Variants in UTRN observed in about 807,000 individuals in gnomAD.
UTRN encodes the protein dystrophin-related protein 1.
A neutral mutation model predicts 463.9 loss-of-function variants in UTRN; 283 were observed. That is an observed-to-expected ratio of 0.61 (90% CI 0.55 to 0.67). The LOEUF (loss-of-function observed/expected upper bound fraction) is 0.67. Ranked by LOEUF, UTRN falls within the 30% of genes least tolerant of loss-of-function variation. UTRN has a pLI of 0.00. For synonymous variants in UTRN, 1,442 were observed against 1,431.5 expected (o/e 1.01, Z -0.17); for missense variants, 3,922 against 4,084.3 (o/e 0.96, Z 1.08).
Position 144,488,775 on chromosome 6 carries a change from C to G in UTRN, c.4075C>G (p.Gln1359Glu). The G allele has an allele frequency of 6.2e-7, 1 of 1,612,656 alleles. No individual in the cohort carries two copies. The highest frequency in any genetic ancestry group is 8.5e-7 in the Non-Finnish European group (1 of 1,179,120). The change falls in exon 30 of 75, where the codon CAG becomes GAG. Residue 1359 changes from glutamine (Q) to glutamate (E), a missense_variant. This residue lies in a region of UTRN where 2,349 missense variants were observed against 2,303.8 expected (regional missense o/e 1.02). Coordinates refer to ENST00000367545, the MANE Select transcript of UTRN (RefSeq NM_007124.3). ...AGAGAGCTTGGGGGAGCTGGACAAA[C>G]AGCTCACCACATACCTGACTGACAG... is the stretch of plus-strand genomic sequence containing the variant. Reference protein sequence around the residue: ...LQESLGELDKQLTTYLTDRID... With the variant: ...LQESLGELDKELTTYLTDRID...
At position 144,789,258 on chromosome 6, in the gene UTRN, C is replaced by G; in HGVS notation, c.8899C>G (p.Leu2967Val). 2.5e-6 allele frequency: 4 copies of G among 1,612,948 alleles called. No individual in the cohort carries two copies. The highest frequency in any genetic ancestry group is 3.4e-6 in the Non-Finnish European group (4 of 1,179,506). The change falls in exon 62 of 75, where the codon CTC becomes GTC. Residue 2967 changes from leucine (L) to valine (V), a missense_variant. This residue lies in a region of UTRN where 1,309 missense variants were observed against 1,452.6 expected (regional missense o/e 0.90). Coordinates refer to ENST00000367545, the MANE Select transcript of UTRN (RefSeq NM_007124.3). ...KIGLMSLSKG[L>V]LEEKYRYLFK... ...TGGATTAATGTCTCTCTCCAAAGGT[C>G]TCTTGGAAGAAAAATACAGATGTAT...
rs537470531 is a variant in UTRN at position 144,758,706 on chromosome 6, A to G, written c.8495+717A>G. Among the ~76,000 whole-genome samples the G allele has an allele frequency of 2.6e-5, 4 of 152,246 alleles. No individual in the cohort carries two copies. The East Asian group carries it at 7.7e-4, about 29-fold the overall frequency. ...TATATTGTCATGGAACAGAATGATA[A>G]AATTCTACTTCTATAGTCCCTTGGA... On this transcript the variant is annotated intron_variant, in intron 58 of 74. Coordinates refer to ENST00000367545, the MANE Select transcript of UTRN (RefSeq NM_007124.3).
chr6:144,338,694 A>G (rs1385012878), intron 2 of UTRN, among the ~76,000 whole-genome samples: 1 of 152,186 alleles, frequency 6.6e-6, no homozygotes, highest in East Asian at 1.9e-4. Flanking sequence ...GGAACATTGC[A>G]GGTGGCTCTG....
At chr6:144,845,349 A>G (rs1781926513) in intron 73 of UTRN, among the ~76,000 whole-genome samples, 1 of 152,214 alleles carries the variant, frequency 6.6e-6, no homozygotes, top group Admixed American at 6.5e-5. Flanking sequence ...ACTGGCAGTA[A>G]GCCAACTAAT....
chr6:144,776,270 C>T (rs1223979499), intron 60 of UTRN, among the ~76,000 whole-genome samples: 6 of 152,224 alleles, frequency 3.9e-5, no homozygotes, highest in Admixed American at 3.9e-4. Flanking sequence ...CCCGTCTCCA[C>T]ATTTTTTCCC....
At chr6:144,488,113 T>C (rs1171979160) in intron 29 of UTRN, among the ~76,000 whole-genome samples, 2 of 152,170 alleles carry the variant, frequency 1.3e-5, no homozygotes, top group Non-Finnish European at 2.9e-5. Flanking sequence ...GAAAGAACAT[T>C]TCTTTTATAG....
intron 2 of UTRN, among the ~76,000 whole-genome samples, chr6:144,355,747 T>A (rs1391594853): frequency 6.6e-6 from 1 of 152,194 alleles, no homozygotes; most frequent in Non-Finnish European, 1.5e-5. Context: ...TCCCCACTGT[T>A]AACATCTTGT....
At chr6:144,780,062 TACTC>T (rs1278473995) in intron 60 of UTRN, among the ~76,000 whole-genome samples, 2 of 152,236 alleles carry the variant, frequency 1.3e-5, no homozygotes, top group Non-Finnish European at 2.9e-5. Flanking sequence ...AATTCTGTGT[TACTC>T]AGACAGCTAG....
chr6:144,485,320 T>C (rs1186116653), intron 27 of UTRN, 65 bp from the exon 28 acceptor site: 1 of 1,591,632 alleles, frequency 6.3e-7, no homozygotes, highest in Non-Finnish European at 8.6e-7. Flanking sequence ...AAAGAGAATG[T>C]GTAGTACTAG....
At chr6:144,538,562 C>T (rs1304844278) in intron 44 of UTRN, among the ~76,000 whole-genome samples, 2 of 150,144 alleles carry the variant, frequency 1.3e-5, no homozygotes, top group African/African-American at 4.9e-5. Flanking sequence ...CTCAGCTACT[C>T]GGGAGGCTGA....
At chr6:144,777,840 G>C (rs955829241) in intron 60 of UTRN, among the ~76,000 whole-genome samples, 1 of 152,132 alleles carries the variant, frequency 6.6e-6, no homozygotes, top group Non-Finnish European at 1.5e-5. Context: ...TGAGAATTAA[G>C]GTGTAGATGG....
intron 28 of UTRN, 124 bp from the exon 29 acceptor site, chr6:144,487,422 TCC>T: frequency 1.1e-6 from 1 of 942,432 alleles, no homozygotes; most frequent in Non-Finnish European, 1.4e-6. Flanking sequence ...TAACTTTTGG[TCC>T]TGTTACTTAG....
intron 2 of UTRN, among the ~76,000 whole-genome samples, chr6:144,380,694 A>G (rs1369034116): frequency 6.6e-6 from 1 of 152,216 alleles, no homozygotes; most frequent in Admixed American, 6.5e-5. Context: ...TCATGCCTGT[A>G]GTCTGAACCA....
chr6:144,546,266 C>A (rs1798396578), intron 46 of UTRN, among the ~76,000 whole-genome samples: 1 of 152,170 alleles, frequency 6.6e-6, no homozygotes, highest in Non-Finnish European at 1.5e-5. Flanking sequence ...TACACTGACA[C>A]TGGCTGTGTG....
chr6:144,469,925 A>T lies in UTRN; in HGVS notation c.3067-3795A>T, dbSNP rs1432891605. 5.3e-5 allele frequency among the ~76,000 whole-genome samples: 8 copies of T among 152,166 alleles called. No individual in the cohort carries two copies. In the East Asian group the frequency reaches 9.6e-4, roughly 18 times the overall value. ...GACTCTTAACGAGCATGCTGCCTTC[A>T]AGCATCTGTTTAACAAAGCACATCT... On this transcript the variant is annotated intron_variant, in intron 23 of 74. Transcript: ENST00000367545.
chr6:144,610,383 A>G (rs1241051059), intron 51 of UTRN, among the ~76,000 whole-genome samples: 1 of 152,120 alleles, frequency 6.6e-6, no homozygotes. Context: ...GAAGGAGAAA[A>G]CCTGAACAGA....
At chr6:144,673,150 A>C (rs1324462238) in intron 51 of UTRN, among the ~76,000 whole-genome samples, 1 of 152,118 alleles carries the variant, frequency 6.6e-6, no homozygotes, top group Admixed American at 6.6e-5. Flanking sequence ...TATATTCTGC[A>C]GTTGTTGGGT....
chr6:144,507,880 A>C (rs1794820029), intron 34 of UTRN, among the ~76,000 whole-genome samples: 1 of 152,140 alleles, frequency 6.6e-6, no homozygotes, highest in Non-Finnish European at 1.5e-5. Flanking sequence ...CCTTTCCCCC[A>C]GGTGCTCTGT....
intron 66 of UTRN, among the ~76,000 whole-genome samples, chr6:144,824,612 A>ATATATTTT (rs1562955125): frequency 2.5e-5 from 1 of 39,798 alleles, no homozygotes; most frequent in Non-Finnish European, 4.3e-5. Flanking sequence ...ATATATATAT[A>ATATATTTT]TCTTTTTTTT....
Sources: allele counts gnomAD v4.1 joint callset (sites outside exome capture counted in the v4.1 genomes callset), GRCh38; gene constraint gnomAD v4.1.1; regional missense constraint gnomAD v4.1.1; transcripts MANE v1.5; gene names NCBI Gene and HGNC (gene_info 2026-07-23, HGNC 2026-07-21).